The following PGM2L1 variants were observed in gnomAD, a reference collection of about 807,000 sequenced individuals.
PGM2L1 encodes the protein glucose 1,6-bisphosphate synthase.
A neutral mutation model predicts 73.4 loss-of-function variants in PGM2L1; 35 were observed. The ratio of observed to expected loss-of-function variants is 0.48; its 90% CI spans 0.36 to 0.63. PGM2L1 has a LOEUF of 0.63. Among genes scored for constraint, PGM2L1 ranks in the 30% least tolerant of loss-of-function variants. PGM2L1 has a pLI of 0.00. For missense variants in PGM2L1, 570 were observed against 742.0 expected (o/e 0.77, Z 2.69); for synonymous variants, 225 against 253.8 (o/e 0.89, Z 1.08).
rs541069137 is a variant in PGM2L1, at chr11:74,331,990, T to C, written c.*4662A>G. On this transcript the variant is annotated 3_prime_UTR_variant, in exon 14 of 14. Coordinates refer to ENST00000298198, the MANE Select transcript of PGM2L1 (RefSeq NM_173582.6). ...TTGAATAAACAAAGAGGAAAGATGG[T>C]CTAATAAATATATAGTATGGTGAAT... 7.2e-5 allele frequency: 11 copies of C among 152,364 alleles called. No individual in the cohort carries two copies. Among genetic ancestry groups the C allele is most frequent in the African/African-American group, 2.4e-4 (10 of 41,574 alleles). 9.4% of individuals were successfully genotyped at this position (152,364 alleles called of 1,614,324 possible). A position where few individuals can be genotyped will look rare whatever the true frequency, so the allele number is the denominator to read the frequency against.
chr11:74,361,175 G>A (rs1024540990), intron 5 of PGM2L1, among the ~76,000 whole-genome samples: 3 of 152,112 alleles, frequency 2.0e-5, no homozygotes, highest in South Asian at 2.1e-4. Context: ...CACCTCACAC[G>A]GCCGGGTACC....
At chr11:74,343,484 C>T in intron 9 of PGM2L1, 68 bp from the exon 10 acceptor site, 1 of 1,567,368 alleles carries the variant, frequency 6.4e-7, no homozygotes, top group Non-Finnish European at 8.6e-7. Context: ...GAAAAATCTG[C>T]CACTACATGC....
intron 13 of PGM2L1, among the ~76,000 whole-genome samples, chr11:74,337,677 G>A (rs962616255): frequency 1.3e-5 from 2 of 152,140 alleles, no homozygotes; most frequent in Non-Finnish European, 2.9e-5. Flanking sequence ...AGTCATATTA[G>A]ACATAGAAAA....
In PGM2L1 at chr11:74,343,429, G is replaced by C; in HGVS notation, c.1219-13C>G. ...CTGGTAATGTTTCCTGAAATGCAGA[G>C]GAGGCCACTCTAGTTAAGTGACTGT... On this transcript the variant is annotated splice_polypyrimidine_tract_variant and intron_variant, in intron 9 of 13. Coordinates refer to ENST00000298198, the MANE Select transcript of PGM2L1 (RefSeq NM_173582.6). The C allele has an allele frequency of 5.6e-6, 9 of 1,603,168 alleles. No individual in the cohort carries two copies. Among genetic ancestry groups the C allele is most frequent in the Non-Finnish European group, 7.6e-6 (9 of 1,177,316 alleles).
At chr11:74,361,095 GCCT>G (rs1862556195) in intron 5 of PGM2L1, among the ~76,000 whole-genome samples, 2 of 152,206 alleles carry the variant, frequency 1.3e-5, no homozygotes, top group African/African-American at 2.4e-5. Context: ...CGGAGAGACT[GCCT>G]CCTCAAGTGG....
At chr11:74,376,323 C>G (rs1862852081) in intron 1 of PGM2L1, among the ~76,000 whole-genome samples, 1 of 152,070 alleles carries the variant, frequency 6.6e-6, no homozygotes, top group Admixed American at 6.6e-5. Context: ...TGGGCTGGCT[C>G]TAAAGCCTAC....
At chr11:74,361,014 C>A (rs1862554638) in intron 5 of PGM2L1, among the ~76,000 whole-genome samples, 1 of 152,212 alleles carries the variant, frequency 6.6e-6, no homozygotes, top group Admixed American at 6.5e-5. Flanking sequence ...CCTCTGCAGA[C>A]TTAAATGTCC....
At chr11:74,355,807 A>T (rs576026784) in intron 5 of PGM2L1, 1 of 453,928 alleles carries the variant, frequency 2.2e-6, no homozygotes, top group Admixed American at 2.4e-5. Context: ...AGATCTGTGA[A>T]CTCAGCCAAG....
At chr11:74,376,287 A>C (rs1003979940) in intron 1 of PGM2L1, among the ~76,000 whole-genome samples, 3 of 152,112 alleles carry the variant, frequency 2.0e-5, no homozygotes, top group African/African-American at 7.2e-5. Flanking sequence ...TGGCATTGGA[A>C]ATTTAGACAG....
At chr11:74,380,127 A>G (rs1377014418) in intron 1 of PGM2L1, among the ~76,000 whole-genome samples, 2 of 152,190 alleles carry the variant, frequency 1.3e-5, no homozygotes, top group Non-Finnish European at 2.9e-5. Flanking sequence ...TTGTTTATCT[A>G]TTTATTATTT....
In PGM2L1 at chr11:74,351,410, T is replaced by C. The variant is rs1862350903; in HGVS notation, c.722A>G (p.Glu241Gly). The C allele has an allele frequency of 1.2e-6, 2 of 1,613,614 alleles. No individual in the cohort carries two copies. Among genetic ancestry groups the C allele is most frequent in the Admixed American group, 1.7e-5 (1 of 59,890 alleles). The part of the protein sequence containing the change: ...PLQDICRRYM[E>G]DLKKICFYRE... ...GTAAAAACAGATCTTTTTCAGATCT[T>C]CCATGTATCTCCTGCAAATGTCCTG... Residue 241 changes from glutamate to glycine, a missense_variant, in exon 6 of 14, where the codon GAA becomes GGA. By Grantham distance (98) the Glu-to-Gly change is moderately conservative. Transcript: ENST00000298198.
chr11:74,356,053 CTT>C (rs879312654), intron 5 of PGM2L1, among the ~76,000 whole-genome samples: 1 of 142,758 alleles, frequency 7.0e-6, no homozygotes. Flanking sequence ...GAATAAATGT[CTT>C]TTTTTTTTTT....
At chr11:74,336,842 A>C (rs1862104852) in intron 13 of PGM2L1, 88 bp from the exon 14 acceptor site, 1 of 824,410 alleles carries the variant, frequency 1.2e-6, no homozygotes, top group Admixed American at 3.1e-5. Context: ...AGAGGTCCTG[A>C]TGGAGTCATT....
intron 10 of PGM2L1, 38 bp downstream of exon 10, chr11:74,343,285 T>C: frequency 6.5e-7 from 1 of 1,535,030 alleles, no homozygotes; most frequent in Non-Finnish European, 8.7e-7. Flanking sequence ...TTAAAAATTA[T>C]CAATCAAATT....
chr11:74,370,863 G>T, intron 4 of PGM2L1, 39 bp downstream of exon 4: 2 of 1,496,536 alleles, frequency 1.3e-6, no homozygotes, highest in Non-Finnish European at 1.9e-6. Context: ...ATGTTTTCAA[G>T]AGCAGCAAGC....
chr11:74,379,177 C>G (rs1862902110), intron 1 of PGM2L1, among the ~76,000 whole-genome samples: 1 of 152,114 alleles, frequency 6.6e-6, no homozygotes, highest in Non-Finnish European at 1.5e-5. Context: ...GCCCAGGAAG[C>G]TTTTAGTCAT....
rs190514211 is a variant in PGM2L1, at chr11:74,355,973, T to C, written c.556-4397A>G. Among the ~76,000 whole-genome samples, 3 of 152,012 alleles carry C rather than the reference T, an allele frequency of 2.0e-5. No homozygotes were observed. In the East Asian group the frequency reaches 5.8e-4, roughly 29 times the overall value. On this transcript the variant is annotated intron_variant, in intron 5 of 13. Transcript: ENST00000298198. ...AAGTGCAAAGCATTCCAACAAAGAGTTTTAATATGGATTTTTTTTTTTGCA... is the reference window on the plus strand; with the variant it reads ...AAGTGCAAAGCATTCCAACAAAGAGCTTTAATATGGATTTTTTTTTTTGCA...
chr11:74,371,087 G>T, intron 3 of PGM2L1, 101 bp from the exon 4 acceptor site: 1 of 818,656 alleles, frequency 1.2e-6, no homozygotes, highest in Non-Finnish European at 1.9e-6. Flanking sequence ...TGAATAAATA[G>T]TATCCTAATA....
chr11:74,365,693 A>C (rs1005728428), intron 5 of PGM2L1, among the ~76,000 whole-genome samples: 2 of 152,264 alleles, frequency 1.3e-5, no homozygotes, highest in African/African-American at 4.8e-5. Context: ...AATGGCGATC[A>C]TTAAAAAGTC....
Sources: gnomAD v4.1 joint callset for allele counts (sites outside exome capture counted in the v4.1 genomes callset) on GRCh38, gnomAD v4.1.1 for gene constraint, MANE v1.5 for transcripts, NCBI Gene and HGNC (gene_info 2026-07-23, HGNC 2026-07-21) for gene names.